KCNT2: variants seen among roughly 807,000 people sequenced by gnomAD.
KCNT2 encodes the protein potassium channel subfamily T member 2.
A neutral mutation model predicts 153.8 loss-of-function variants in KCNT2; 67 were observed. That is an observed-to-expected ratio of 0.44 (90% CI 0.36 to 0.53). The LOEUF (loss-of-function observed/expected upper bound fraction) is 0.53. Ranked by LOEUF, KCNT2 falls within the 20% of genes least tolerant of loss-of-function variation. KCNT2 has a pLI of 0.00. For synonymous variants in KCNT2, 500 were observed against 458.8 expected (o/e 1.09, Z -1.15); for missense variants, 975 against 1,354.8 (o/e 0.72, Z 4.40).
intron 1 of KCNT2, among the ~76,000 whole-genome samples, chr1:196,582,909 A>G (rs1353841409): frequency 1.3e-5 from 2 of 152,158 alleles, no homozygotes; most frequent in African/African-American, 4.8e-5. Context: ...ATTATAAAAT[A>G]TAATTATACA....
rs929225626 is a variant in KCNT2 at position 196,592,802 on chromosome 1, ATAATT to A, written c.95+15408_95+15412del. 9.4e-5 allele frequency among the ~76,000 whole-genome samples: 14 copies of A among 148,536 alleles called. 1 individual carries two copies. The highest frequency in any genetic ancestry group is 3.2e-4 in the African/African-American group (13 of 40,970). ...CACAAGAGGGAGTCTATAGTCAATA[ATAATT>A]TAAATGTACTTTTACTTTTATGTAT... On this transcript the variant is annotated intron_variant, in intron 1 of 27. Transcript: ENST00000294725.
chr1:196,530,161 T>A (rs1002393335), intron 1 of KCNT2, among the ~76,000 whole-genome samples: 1 of 151,830 alleles, frequency 6.6e-6, no homozygotes, highest in South Asian at 2.1e-4. Context: ...ACAAAGAAAA[T>A]ATATATATGT....
chr1:196,363,907 AC>A (rs1366759567), intron 14 of KCNT2, among the ~76,000 whole-genome samples: 11 of 152,292 alleles, frequency 7.2e-5, no homozygotes, highest in Non-Finnish European at 1.5e-4. Flanking sequence ...TAGCAAACAT[AC>A]ATAGAGGCAC....
At chr1:196,492,415 A>T in intron 1 of KCNT2, 74 bp from the exon 2 acceptor site, 4 of 1,087,600 alleles carry the variant, frequency 3.7e-6, no homozygotes, top group Non-Finnish European at 4.8e-6. Context: ...ATCAACAAAT[A>T]TAAATTGATC....
At chr1:196,435,460 T>C (rs1028052279) in intron 8 of KCNT2, among the ~76,000 whole-genome samples, 6 of 151,448 alleles carry the variant, frequency 4.0e-5, no homozygotes, top group African/African-American at 1.5e-4. Context: ...ATAAATAATG[T>C]ACAAGTAAAT....
chr1:196,296,245 CATAA>C (rs1352981600), intron 22 of KCNT2, among the ~76,000 whole-genome samples: 6 of 151,698 alleles, frequency 4.0e-5, no homozygotes, highest in Middle Eastern at 3.4e-3. Context: ...AAAAATATTA[CATAA>C]ATAAATAAGA....
At chr1:196,521,480 C>T (rs1653393778) in intron 1 of KCNT2, among the ~76,000 whole-genome samples, 1 of 152,034 alleles carries the variant, frequency 6.6e-6, no homozygotes, top group African/African-American at 2.4e-5. Context: ...ATCATTCTAC[C>T]ATGGAGATAC....
chr1:196,452,557 A>T (rs1030986373), intron 8 of KCNT2, among the ~76,000 whole-genome samples: 2 of 151,916 alleles, frequency 1.3e-5, no homozygotes, highest in African/African-American at 2.4e-5. Context: ...CGGCTCAGCT[A>T]TGTTTTGGAA....
chr1:196,310,945 C>G (rs1315327370), intron 21 of KCNT2, among the ~76,000 whole-genome samples: 2 of 151,798 alleles, frequency 1.3e-5, no homozygotes, highest in African/African-American at 4.8e-5. Flanking sequence ...TCCTCTTGCT[C>G]TGCTCCAAGT....
intron 1 of KCNT2, among the ~76,000 whole-genome samples, chr1:196,548,753 C>G (rs1252003725): frequency 2.6e-5 from 4 of 152,040 alleles, no homozygotes; most frequent in Non-Finnish European, 5.9e-5. Context: ...TTGGAACCAA[C>G]CCAAATGTCC....
chr1:196,493,536 A>G (rs1328189843), intron 1 of KCNT2, among the ~76,000 whole-genome samples: 6 of 152,194 alleles, frequency 3.9e-5, no homozygotes, highest in African/African-American at 1.4e-4. Context: ...ATTGTGTCAC[A>G]AAAGCAACAG....
intron 23 of KCNT2, among the ~76,000 whole-genome samples, chr1:196,283,991 G>A (rs1229159496): frequency 4.0e-5 from 6 of 151,198 alleles, no homozygotes; most frequent in African/African-American, 9.7e-5. Flanking sequence ...AGCACTTTGG[G>A]AGGCCAAGGT....
At chr1:196,312,930 T>C (rs899995514) in intron 21 of KCNT2, among the ~76,000 whole-genome samples, 2 of 151,696 alleles carry the variant, frequency 1.3e-5, no homozygotes, top group Non-Finnish European at 2.9e-5. Context: ...ATCCTACCTC[T>C]GGAATGTTGT....
At chr1:196,527,835 G>T (rs1468220159) in intron 1 of KCNT2, among the ~76,000 whole-genome samples, 1 of 152,210 alleles carries the variant, frequency 6.6e-6, no homozygotes, top group Non-Finnish European at 1.5e-5. Context: ...CAGTGACAGA[G>T]CAAGAATTGA....
chr1:196,548,287 C>T (rs1657386355), intron 1 of KCNT2, among the ~76,000 whole-genome samples: 1 of 151,858 alleles, frequency 6.6e-6, no homozygotes, highest in Non-Finnish European at 1.5e-5. Flanking sequence ...CCAGAATCTA[C>T]AATGAACTCA....
chr1:196,425,402 C>A (rs140022477), intron 11 of KCNT2, among the ~76,000 whole-genome samples: 1 of 151,922 alleles, frequency 6.6e-6, no homozygotes, highest in Non-Finnish European at 1.5e-5. Context: ...GCTATGTGTC[C>A]AATACATAGT....
chr1:196,428,189 C>A lies in KCNT2; in HGVS notation c.900G>T (p.Lys300Asn), dbSNP rs376027009. The A allele has an allele frequency of 6.2e-7, 1 of 1,612,176 alleles. No homozygotes were observed. ...NYSRHRAQTE[K>N]HVVLCVSSLK... ...GTGAGCTGACACACAGGACGACATG[C>A]TTTTCAGTTTGAGCTCTATGTCGAC... Residue 300 changes from lysine to asparagine, a missense_variant, in exon 10 of 28, where the codon AAG becomes AAT. Around this residue, in one of 6 missense-constraint regions of KCNT2, gnomAD observed 202 missense variants for 314.9 expected, o/e 0.64. Coordinates refer to ENST00000294725, the MANE Select transcript of KCNT2 (RefSeq NM_198503.5).
intron 14 of KCNT2, among the ~76,000 whole-genome samples, chr1:196,345,520 A>G (rs1666068266): frequency 6.6e-6 from 1 of 152,170 alleles, no homozygotes; most frequent in African/African-American, 2.4e-5. Context: ...GACTTTATAA[A>G]TAACTGTACT....
chr1:196,424,808 C>A (rs1673510737), intron 11 of KCNT2, among the ~76,000 whole-genome samples: 2 of 151,438 alleles, frequency 1.3e-5, no homozygotes, highest in African/African-American at 4.9e-5. Context: ...ACAAAGGAGT[C>A]CAGAAGTCTG....
Sources: allele counts gnomAD v4.1 joint callset (sites outside exome capture counted in the v4.1 genomes callset), GRCh38; gene constraint gnomAD v4.1.1; regional missense constraint gnomAD v4.1.1; transcripts MANE v1.5; gene names NCBI Gene and HGNC (gene_info 2026-07-23, HGNC 2026-07-21).